Variants in TMEM45A observed in about 807,000 individuals in gnomAD.
TMEM45A encodes the protein DNA polymerase-transactivated protein 4.
A neutral mutation model predicts 32.0 loss-of-function variants in TMEM45A; 25 were observed. The observed-to-expected ratio is 0.78, with a 90% CI of 0.57 to 1.09. TMEM45A has a LOEUF of 1.09. Among genes scored for constraint, TMEM45A ranks in the 50% least tolerant of loss-of-function variants. The pLI, the probability that TMEM45A is intolerant of heterozygous loss-of-function variation, is 0.00. For synonymous variants in TMEM45A, 122 were observed against 114.8 expected (o/e 1.06, Z -0.40); for missense variants, 302 against 325.0 (o/e 0.93, Z 0.54).
Position 100,520,781 on chromosome 3 carries a change from T to C in TMEM45A, c.-4+27853T>C, listed in dbSNP as rs565745398. ...GCCTTCACCATTTCCTGACCCAACA[T>C]AGTGAAAGGAGAGTGTCTCATCACC... On this transcript the variant is annotated intron_variant, in intron 1 of 5. Coordinates refer to ENST00000323523, the MANE Select transcript of TMEM45A (RefSeq NM_018004.3). Among the ~76,000 whole-genome samples the C allele has an allele frequency of 3.3e-5, 5 of 152,270 alleles. No individual in the cohort carries two copies. The South Asian group carries it at 1.0e-3, about 32-fold the overall frequency.
intron 1 of TMEM45A, among the ~76,000 whole-genome samples, chr3:100,525,372 A>C (rs950123325): frequency 1.3e-5 from 2 of 152,198 alleles, no homozygotes; most frequent in Admixed American, 6.5e-5. Context: ...AATTAAAATT[A>C]CATATGTGTC....
rs570356028 is a variant in TMEM45A, at chr3:100,495,107, C to T, written c.-4+2179C>T. 1.1e-4 allele frequency among the ~76,000 whole-genome samples: 17 copies of T among 152,316 alleles called. No individual in the cohort carries two copies. The East Asian group carries it at 1.3e-3, about 12-fold the overall frequency. On this transcript the variant is annotated intron_variant, in intron 1 of 5. Transcript: ENST00000323523. ...GCTGCCATTTTGACTTCTGCTCTAG[C>T]AACTGGTATTAACTGAGTGCTGACC...
At chr3:100,552,077 CATCAT>C (rs1046503988) in intron 1 of TMEM45A, among the ~76,000 whole-genome samples, 9 of 152,124 alleles carry the variant, frequency 5.9e-5, no homozygotes, top group African/African-American at 2.2e-4. Flanking sequence ...TTTAAAATTT[CATCAT>C]ATCTATGACA....
chr3:100,565,524 A>G (rs1227887662), intron 4 of TMEM45A, among the ~76,000 whole-genome samples: 1 of 152,156 alleles, frequency 6.6e-6, no homozygotes, highest in Admixed American at 6.5e-5. Flanking sequence ...GCAAATCACT[A>G]AATCACCCGA....
intron 5 of TMEM45A, among the ~76,000 whole-genome samples, chr3:100,575,562 G>C (rs1485820513): frequency 6.6e-6 from 1 of 152,048 alleles, no homozygotes; most frequent in East Asian, 1.9e-4. Flanking sequence ...AGTAGAGACG[G>C]AGTTTTGCCA....
intron 1 of TMEM45A, among the ~76,000 whole-genome samples, chr3:100,508,866 T>C (rs1213758492): frequency 6.7e-6 from 1 of 150,178 alleles, no homozygotes; most frequent in Non-Finnish European, 1.5e-5. Flanking sequence ...ATAAAACTAC[T>C]AGAAGACAAC....
chr3:100,560,455 C>A (rs1256614724), intron 4 of TMEM45A, among the ~76,000 whole-genome samples: 2 of 152,018 alleles, frequency 1.3e-5, no homozygotes, highest in African/African-American at 4.8e-5. Flanking sequence ...ATGTTATTTC[C>A]ATGTGCTTCT....
chr3:100,546,717 A>G (rs1705985980), intron 1 of TMEM45A, among the ~76,000 whole-genome samples: 7 of 152,224 alleles, frequency 4.6e-5, no homozygotes, highest in Admixed American at 4.6e-4. Context: ...GTAGAAAGGA[A>G]CAGAAGGAGA....
chr3:100,559,663 C>T (rs558940696), intron 4 of TMEM45A, among the ~76,000 whole-genome samples: 24 of 152,030 alleles, frequency 1.6e-4, no homozygotes, highest in Non-Finnish European at 2.5e-4. Context: ...ACTATATACA[C>T]GTATTCCTAT....
rs1706712128 is a variant in TMEM45A at position 100,577,284 on chromosome 3, G to T, written c.*266G>T. 9.5e-6 allele frequency: 3 copies of T among 315,688 alleles called. No individual in the cohort carries two copies. Among genetic ancestry groups the T allele is most frequent in the Admixed American group, 5.0e-5 (1 of 19,830 alleles). The allele number at this position is 315,688 out of a possible 1,614,324, so 19.6% of individuals were successfully genotyped here. On this transcript the variant is annotated 3_prime_UTR_variant, in exon 6 of 6. Transcript: ENST00000323523. ...ATTTTTTTCCAGATTATCTAAAGTT[G>T]GATGCCCACACTATGAAAGAAATAT...
intron 1 of TMEM45A, among the ~76,000 whole-genome samples, chr3:100,501,059 A>G (rs945346812): frequency 2.6e-5 from 4 of 152,382 alleles, no homozygotes; most frequent in African/African-American, 9.6e-5. Flanking sequence ...TTTTTAGTAG[A>G]TGAGAAAATT....
chr3:100,514,848 T>C (rs1237575287), intron 1 of TMEM45A, among the ~76,000 whole-genome samples: 1 of 149,306 alleles, frequency 6.7e-6, no homozygotes, highest in East Asian at 2.0e-4. Context: ...AAAGAAGACA[T>C]TTATGCAGCC....
intron 4 of TMEM45A, among the ~76,000 whole-genome samples, chr3:100,566,821 C>T (rs766825003): frequency 6.6e-6 from 1 of 151,896 alleles, no homozygotes; most frequent in African/African-American, 2.4e-5. Context: ...TTCTTGAAGT[C>T]CTTTGCCCAT....
At chr3:100,556,732 G>T (rs765779142) in intron 2 of TMEM45A, 28 bp from the exon 3 acceptor site, 52 of 1,588,820 alleles carry the variant, frequency 3.3e-5, no homozygotes, top group Non-Finnish European at 4.5e-5. Flanking sequence ...AAGCAGAGTT[G>T]CTAAAACTGT....
intron 1 of TMEM45A, among the ~76,000 whole-genome samples, chr3:100,551,010 CTTTTTT>C (rs747148114): frequency 8.4e-6 from 1 of 119,628 alleles, no homozygotes; most frequent in Non-Finnish European, 1.7e-5. Context: ...GGGTGAACTG[CTTTTTT>C]TTTTTTTTTT....
In TMEM45A at chr3:100,513,423, C is replaced by T. The variant is rs1176967249; in HGVS notation, c.-4+20495C>T. ...AGAAAAGGCCTTTGACAAAATTCAACAACCCTTCATGCTAAAAACTCTCAA... is the reference window on the plus strand; with the variant it reads ...AGAAAAGGCCTTTGACAAAATTCAATAACCCTTCATGCTAAAAACTCTCAA... On this transcript the variant is annotated intron_variant, in intron 1 of 5. Transcript: ENST00000323523. Among the ~76,000 whole-genome samples the T allele has an allele frequency of 2.0e-5, 3 of 150,494 alleles. No homozygotes were observed. The East Asian group carries it at 5.8e-4, about 29-fold the overall frequency.
intron 1 of TMEM45A, among the ~76,000 whole-genome samples, chr3:100,540,114 T>A (rs1376203271): frequency 6.6e-6 from 1 of 152,180 alleles, no homozygotes; most frequent in African/African-American, 2.4e-5. Flanking sequence ...AAGTTAGATT[T>A]CATTAAAATT....
chr3:100,576,079 G>C (rs1325113110), intron 5 of TMEM45A, among the ~76,000 whole-genome samples: 1 of 152,102 alleles, frequency 6.6e-6, no homozygotes, highest in Non-Finnish European at 1.5e-5. Context: ...TTGGGAGGCT[G>C]AGGCGGTCAG....
chr3:100,543,762 A>T (rs575217358), intron 1 of TMEM45A, among the ~76,000 whole-genome samples: 3 of 152,202 alleles, frequency 2.0e-5, no homozygotes, highest in African/African-American at 4.8e-5. Flanking sequence ...GTTTATTTCA[A>T]ATATTTTTTT....
Sources: gnomAD v4.1 joint callset for allele counts (sites outside exome capture counted in the v4.1 genomes callset) on GRCh38, gnomAD v4.1.1 for gene constraint, MANE v1.5 for transcripts, NCBI Gene and HGNC (gene_info 2026-07-23, HGNC 2026-07-21) for gene names.